The following CACNA1C variants were observed in gnomAD, a reference collection of about 807,000 sequenced individuals.
CACNA1C encodes calcium voltage-gated channel subunit alpha1 C.
CACNA1C carries 30 observed loss-of-function variants against 229.0 expected under a neutral mutation model. That is an observed-to-expected ratio of 0.13 (90% CI 0.10 to 0.18). The LOEUF (loss-of-function observed/expected upper bound fraction) is 0.18. Ranked by LOEUF, CACNA1C falls within the 10% of genes least tolerant of loss-of-function variation. The pLI is 1.00. For synonymous variants in CACNA1C, 1,114 were observed against 1,132.5 expected (o/e 0.98, Z 0.33); for missense variants, 1,658 against 2,845.0 (o/e 0.58, Z 9.49).
chr12:2,408,297 A>G (rs924427512), intron 3 of CACNA1C, among the ~76,000 whole-genome samples: 1 of 152,244 alleles, frequency 6.6e-6, no homozygotes, highest in African/African-American at 2.4e-5. Context: ...TGGGAGGATG[A>G]AAAAGCTCAG....
Position 2,664,604 on chromosome 12 carries a change from G to A in CACNA1C, c.4233-221G>A, listed in dbSNP as rs533701382. Among the ~76,000 whole-genome samples the A allele has an allele frequency of 4.6e-5, 7 of 152,278 alleles. No individual in the cohort carries two copies. The South Asian group carries it at 6.2e-4, about 14-fold the overall frequency. On this transcript the variant is annotated intron_variant, in intron 34 of 46. Transcript: ENST00000399655. ...TGGATTGCAAAAACAGCAAGTTTTC[G>A]GAAAAGGTGCAATTTGTTACTGTTT...
At chr12:2,204,937 TAAAAA>T (rs565701621) in intron 3 of CACNA1C, among the ~76,000 whole-genome samples, 6 of 128,144 alleles carry the variant, frequency 4.7e-5, no homozygotes, top group African/African-American at 1.6e-4. Context: ...AAAACTTTAA[TAAAAA>T]AAAATAAATT....
chr12:2,439,153 G>A (rs1375706352), intron 3 of CACNA1C, among the ~76,000 whole-genome samples: 3 of 152,188 alleles, frequency 2.0e-5, no homozygotes, highest in Admixed American at 6.5e-5. Flanking sequence ...AGCCTTATGA[G>A]GACCTGACAG....
chr12:2,516,279 G>T (rs1366992041), intron 9 of CACNA1C, among the ~76,000 whole-genome samples: 1 of 152,178 alleles, frequency 6.6e-6, no homozygotes, highest in African/African-American at 2.4e-5. Flanking sequence ...AGCTGGAGAG[G>T]AGGGAGTAAG....
intron 11 of CACNA1C, among the ~76,000 whole-genome samples, chr12:2,560,848 T>TA (rs36012443): frequency 0.23 from 26,484 of 112,994 alleles, 3,712 homozygotes; most frequent in African/African-American, 0.39. Flanking sequence ...TTGGTTCTGG[T>TA]AAAAAAAAAA....
intron 1 of CACNA1C, among the ~76,000 whole-genome samples, chr12:2,068,893 A>C (rs1360747799): frequency 6.6e-6 from 1 of 152,192 alleles, no homozygotes; most frequent in African/African-American, 2.4e-5. Context: ...CTCCAGTGAA[A>C]CTTAGGCGGA....
chr12:2,022,100 T>A (rs2046566200), intron 1 of CACNA1C, among the ~76,000 whole-genome samples: 2 of 152,220 alleles, frequency 1.3e-5, no homozygotes, highest in Admixed American at 6.5e-5. Flanking sequence ...TTTCTTAGCC[T>A]TTCCTGTTTC....
intron 10 of CACNA1C, among the ~76,000 whole-genome samples, chr12:2,554,721 G>A (rs1380378658): frequency 2.0e-5 from 3 of 152,116 alleles, no homozygotes; most frequent in Admixed American, 6.5e-5. Flanking sequence ...TATCATTAAC[G>A]CCAAGGTGTG....
chr12:2,076,675 G>A (rs1356462331), intron 1 of CACNA1C, among the ~76,000 whole-genome samples: 1 of 152,174 alleles, frequency 6.6e-6, no homozygotes, highest in Non-Finnish European at 1.5e-5. Context: ...ATTTGCCTCT[G>A]GCTTTTTTCC....
In CACNA1C at chr12:2,489,298, C is replaced by T. The variant is rs143111734; in HGVS notation, c.916+3036C>T. Among the ~76,000 whole-genome samples, 7 of 152,196 alleles carry T rather than the reference C, an allele frequency of 4.6e-5. 1 individual carries two copies. Among genetic ancestry groups the T allele is most frequent in the East Asian group, 3.9e-4 (2 of 5,186 alleles). Reference sequence around the variant, plus strand: ...TTATGTATCTCTAGATTTCAAAATACGTTTGATTTTGAGCCATGTTTCCAA... The same window carrying T: ...TTATGTATCTCTAGATTTCAAAATATGTTTGATTTTGAGCCATGTTTCCAA... On this transcript the variant is annotated intron_variant, in intron 6 of 46. Coordinates refer to ENST00000399655, the MANE Select transcript of CACNA1C (RefSeq NM_000719.7).
intron 34 of CACNA1C, among the ~76,000 whole-genome samples, chr12:2,657,478 A>T (rs1379441572): frequency 6.6e-6 from 1 of 152,202 alleles, no homozygotes; most frequent in African/African-American, 2.4e-5. Flanking sequence ...TCACTAAAAA[A>T]ATAGAAATGG....
chr12:2,601,914 C>T lies in CACNA1C; in HGVS notation c.2914C>T (p.Leu972=). The T allele has an allele frequency of 6.2e-7, 1 of 1,614,004 alleles. No individual in the cohort carries two copies. Among genetic ancestry groups the T allele is most frequent in the Non-Finnish European group, 8.5e-7 (1 of 1,179,880 alleles). Reference sequence around the variant, plus strand: ...TTTCTGCCGGAACTACTTCAACATCCTGGACCTGCTGGTGGTCAGCGTGTC... The same window carrying T: ...TTTCTGCCGGAACTACTTCAACATCTTGGACCTGCTGGTGGTCAGCGTGTC... ...GSFCRNYFNI[L]DLLVVSVSLI... Residue 972 remains leucine, a synonymous_variant, in exon 22 of 47, where the codon CTG becomes TTG. Coordinates refer to ENST00000399655, the MANE Select transcript of CACNA1C (RefSeq NM_000719.7). This position sits in a 1 kb window ranked among gnomAD's most constrained non-coding sequence, Gnocchi z 5.9.
chr12:2,307,541 A>G (rs957113358), intron 3 of CACNA1C, among the ~76,000 whole-genome samples: 1 of 152,062 alleles, frequency 6.6e-6, no homozygotes, highest in Non-Finnish European at 1.5e-5. Flanking sequence ...GCCTTTAACT[A>G]TGGTTCTTAA....
rs551290664 is a variant in CACNA1C, at chr12:2,679,153, G to A, written c.5092-291G>A. On this transcript the variant is annotated intron_variant, in intron 41 of 46. Coordinates refer to ENST00000399655, the MANE Select transcript of CACNA1C (RefSeq NM_000719.7). This position sits in a 1 kb window ranked among gnomAD's most constrained non-coding sequence, Gnocchi z 5.5. ...TCACTGGAAACCTCCAGGGCAGCTC[G>A]TACCAGCGGCAGCCCCTTGCCCAAT... is the stretch of plus-strand genomic sequence containing the variant. Among the ~76,000 whole-genome samples the A allele has an allele frequency of 1.8e-4, 28 of 152,336 alleles. No individual in the cohort carries two copies. Among genetic ancestry groups the A allele is most frequent in the South Asian group, 1.4e-3 (7 of 4,830 alleles).
At position 2,647,626 on chromosome 12, in the gene CACNA1C, C is replaced by T. The variant is rs891852343; in HGVS notation, c.3913-849C>T. ...CCCATTATGGAGTGGGTTGAGGCCA[C>T]CTCTGGAGGCCCTCCTCAGTGTTGA... On this transcript the variant is annotated intron_variant, in intron 30 of 46. Transcript: ENST00000399655. The surrounding 1 kb of genome is among the most constrained non-coding windows in gnomAD (Gnocchi z 4.2). 6.6e-6 allele frequency among the ~76,000 whole-genome samples: 1 copy of T among 152,202 alleles called. No individual in the cohort carries two copies. The highest frequency in any genetic ancestry group is 6.5e-5 in the Admixed American group (1 of 15,282).
chr12:2,444,280 G>C (rs1300334185), intron 3 of CACNA1C, among the ~76,000 whole-genome samples: 1 of 152,164 alleles, frequency 6.6e-6, no homozygotes, highest in Non-Finnish European at 1.5e-5. Context: ...TGAGTATCTT[G>C]TCAGAATCCT....
At chr12:2,555,507 C>T (rs1248714190) in intron 10 of CACNA1C, among the ~76,000 whole-genome samples, 1 of 152,174 alleles carries the variant, frequency 6.6e-6, no homozygotes, top group African/African-American at 2.4e-5. Flanking sequence ...AGCATGGCCC[C>T]GCTGGAGAAG....
intron 3 of CACNA1C, among the ~76,000 whole-genome samples, chr12:2,304,913 A>T (rs536510211): frequency 6.6e-5 from 10 of 152,280 alleles, no homozygotes; most frequent in African/African-American, 2.4e-4. Context: ...CGGGGGCTTT[A>T]TGTTTTTACA....
chr12:2,290,069 C>G (rs1376016173), intron 3 of CACNA1C, among the ~76,000 whole-genome samples: 1 of 152,188 alleles, frequency 6.6e-6, no homozygotes, highest in Admixed American at 6.5e-5. Flanking sequence ...TTTACCTCCC[C>G]TTTGGAAAAA....
Sources: gnomAD v4.1 joint callset for allele counts (sites outside exome capture counted in the v4.1 genomes callset) on GRCh38, gnomAD v4.1.1 for gene constraint, Gnocchi (gnomAD v3.1) non-coding constraint, MANE v1.5 for transcripts, NCBI Gene and HGNC (gene_info 2026-07-23, HGNC 2026-07-21) for gene names.